NRXN3: variants seen among roughly 807,000 people sequenced by gnomAD.
NRXN3 encodes neurexin 3, also known as neurexin III.
A neutral mutation model predicts 137.6 loss-of-function variants in NRXN3; 32 were observed. The ratio of observed to expected loss-of-function variants is 0.23; its 90% CI spans 0.18 to 0.31. The LOEUF (loss-of-function observed/expected upper bound fraction) is 0.31. Ranked by LOEUF, NRXN3 falls within the 10% of genes least tolerant of loss-of-function variation. The pLI, the probability that NRXN3 is intolerant of heterozygous loss-of-function variation, is 1.00. For missense variants in NRXN3, 1,574 were observed against 2,062.5 expected (o/e 0.76, Z 4.59); for synonymous variants, 798 against 784.5 (o/e 1.02, Z -0.29).
intron 10 of NRXN3, among the ~76,000 whole-genome samples, chr14:78,877,705 A>G (rs961358627): frequency 2.0e-5 from 3 of 152,214 alleles, no homozygotes; most frequent in Non-Finnish European, 2.9e-5. Context: ...GTAAAAGCAA[A>G]TAAAGACTCA....
At chr14:78,174,775 A>T (rs1034982639) in intron 1 of NRXN3, among the ~76,000 whole-genome samples, 3 of 152,138 alleles carry the variant, frequency 2.0e-5, no homozygotes, top group African/African-American at 7.2e-5. Context: ...GAGGGGAAGA[A>T]ACTGCTCCTG....
intron 15 of NRXN3, among the ~76,000 whole-genome samples, chr14:79,398,862 TAGTC>T (rs1416987896): frequency 6.6e-6 from 1 of 151,558 alleles, no homozygotes; most frequent in Non-Finnish European, 1.5e-5. Context: ...ATACAAAAAT[TAGTC>T]AGGCATGGTG....
intron 4 of NRXN3, among the ~76,000 whole-genome samples, chr14:78,358,558 A>G (rs2084664560): frequency 6.6e-6 from 1 of 152,212 alleles, no homozygotes; most frequent in African/African-American, 2.4e-5. Context: ...GTTGAGTCTA[A>G]GATTCCTGGG....
chr14:79,462,673 G>A (rs934928691), intron 15 of NRXN3, among the ~76,000 whole-genome samples: 3 of 150,680 alleles, frequency 2.0e-5, no homozygotes, highest in Non-Finnish European at 4.4e-5. Flanking sequence ...AACCAATATT[G>A]TATTATTGTA....
Position 78,709,582 on chromosome 14 carries a change from A to G in NRXN3, c.1587A>G (p.Lys529=). Residue 529 remains lysine, a synonymous_variant, in exon 7 of 21, where the codon AAA becomes AAG. Coordinates refer to ENST00000335750, the MANE Select transcript of NRXN3 (RefSeq NM_001330195.2). The part of the protein sequence containing the change: ...LLLDMGSGTI[K]VKATQKKAND... ...TTGACATGGGCTCTGGCACCATCAA[A>G]GTGAAAGCCACTCAGAAGAAAGCCA... is the stretch of plus-strand genomic sequence containing the variant. 9 of 1,614,056 alleles carry G rather than the reference A, an allele frequency of 5.6e-6. No individual in the cohort carries two copies. Among genetic ancestry groups the G allele is most frequent in the Non-Finnish European group, 7.6e-6 (9 of 1,180,004 alleles).
intron 16 of NRXN3, among the ~76,000 whole-genome samples, chr14:79,482,230 C>A (rs1366151659): frequency 6.6e-6 from 1 of 152,180 alleles, no homozygotes; most frequent in African/African-American, 2.4e-5. Flanking sequence ...CCAAAGTTAG[C>A]TTGGCCCATG....
intron 11 of NRXN3, among the ~76,000 whole-genome samples, chr14:78,961,098 C>T (rs893088302): frequency 6.7e-6 from 1 of 149,208 alleles, no homozygotes; most frequent in Non-Finnish European, 1.5e-5. Flanking sequence ...AAAATGCTGA[C>T]ATTATGGAGA....
chr14:79,634,874 A>G (rs1341274610), intron 16 of NRXN3, among the ~76,000 whole-genome samples: 2 of 152,214 alleles, frequency 1.3e-5, no homozygotes, highest in Non-Finnish European at 2.9e-5. Flanking sequence ...TGTAATTCTA[A>G]GATCGACCTT....
At chr14:78,190,862 T>C (rs1319943754) in intron 1 of NRXN3, among the ~76,000 whole-genome samples, 1 of 151,932 alleles carries the variant, frequency 6.6e-6, no homozygotes, top group African/African-American at 2.4e-5. Context: ...TTAGTAGAGA[T>C]GGGGTTTCAC....
chr14:79,090,162 G>T (rs1291453346), intron 15 of NRXN3, among the ~76,000 whole-genome samples: 3 of 152,082 alleles, frequency 2.0e-5, no homozygotes, highest in Admixed American at 1.3e-4. Flanking sequence ...TTGGCTAAGG[G>T]CTTGTCTTTC....
intron 20 of NRXN3, among the ~76,000 whole-genome samples, chr14:79,847,382 G>T (rs1314841902): frequency 6.6e-6 from 1 of 152,084 alleles, no homozygotes; most frequent in Non-Finnish European, 1.5e-5. Context: ...CTCTGAAAAG[G>T]TCTTATTTTG....
chr14:79,112,515 T>A (rs1285362838), intron 15 of NRXN3, among the ~76,000 whole-genome samples: 1 of 152,226 alleles, frequency 6.6e-6, no homozygotes, highest in Non-Finnish European at 1.5e-5. Context: ...AAACTTTGAA[T>A]GAATAAACTA....
At chr14:79,272,219 T>G (rs916395042) in intron 15 of NRXN3, among the ~76,000 whole-genome samples, 9 of 149,996 alleles carry the variant, frequency 6.0e-5, no homozygotes, top group African/African-American at 1.7e-4. Flanking sequence ...GGTTTAGGTT[T>G]TTTTTTTTTT....
intron 17 of NRXN3, among the ~76,000 whole-genome samples, chr14:79,677,620 T>C (rs11851155): frequency 0.15 from 22,476 of 152,058 alleles, 1,894 homozygotes; most frequent in African/African-American, 0.23. Context: ...AATCTAATAG[T>C]TTTGCTTCAT....
At chr14:79,488,150 A>G (rs1208998905) in intron 16 of NRXN3, among the ~76,000 whole-genome samples, 1 of 152,200 alleles carries the variant, frequency 6.6e-6, no homozygotes, top group Non-Finnish European at 1.5e-5. Flanking sequence ...CAGTGACCTT[A>G]CCTAAAAGAG....
At chr14:78,739,390 T>C (rs2098554620) in intron 8 of NRXN3, among the ~76,000 whole-genome samples, 1 of 152,194 alleles carries the variant, frequency 6.6e-6, no homozygotes, top group Non-Finnish European at 1.5e-5. Flanking sequence ...ATAACCTCTT[T>C]ACAGGCTGGA....
intron 13 of NRXN3, among the ~76,000 whole-genome samples, chr14:78,967,844 T>C (rs756825616): frequency 6.6e-6 from 1 of 152,186 alleles, no homozygotes; most frequent in Non-Finnish European, 1.5e-5. Context: ...ATGGCATGTC[T>C]GTATATCCCT....
chr14:78,367,097 G>T (rs1435645996), intron 4 of NRXN3, among the ~76,000 whole-genome samples: 1 of 152,104 alleles, frequency 6.6e-6, no homozygotes, highest in Non-Finnish European at 1.5e-5. Flanking sequence ...TACAATTTCA[G>T]CTACTTTATT....
intron 19 of NRXN3, among the ~76,000 whole-genome samples, chr14:79,754,027 A>C (rs2099008706): frequency 6.6e-6 from 1 of 152,116 alleles, no homozygotes; most frequent in South Asian, 2.1e-4. Flanking sequence ...TACTTTAAAA[A>C]AAAAGTACAC....
Sources: allele counts gnomAD v4.1 joint callset (sites outside exome capture counted in the v4.1 genomes callset), GRCh38; gene constraint gnomAD v4.1.1; transcripts MANE v1.5; gene names NCBI Gene and HGNC (gene_info 2026-07-23, HGNC 2026-07-21).